Variants in ABCA13 observed in about 807,000 individuals in gnomAD.
ABCA13 encodes ATP-binding cassette sub-family A member 13.
A neutral mutation model predicts 478.7 loss-of-function variants in ABCA13; 476 were observed. That is an observed-to-expected ratio of 0.99 (90% confidence interval 0.92 to 1.07). ABCA13 has a LOEUF of 1.07. ABCA13 is among the 50% of genes least tolerant of loss of function. The probability of loss-of-function intolerance (pLI) is 0.00; values close to 1 mark genes in which losing one functional copy is unlikely to be tolerated. For synonymous variants in ABCA13, 2,252 were observed against 2,158.9 expected, an observed-to-expected ratio of 1.04 and a Z score of -1.20; for missense variants, 6,060 against 5,910.6, an observed-to-expected ratio of 1.03 and a Z score of -0.83.
chr7:48,310,016 A>G lies in ABCA13; in HGVS notation c.9391A>G (p.Thr3131Ala). Residue 3131 changes from threonine to alanine, a missense_variant, in exon 24 of 62, where the codon ACA (threonine) becomes GCA (alanine). Coordinates refer to ENST00000435803, the MANE Select transcript of ABCA13 (RefSeq NM_152701.5). Reference protein sequence around the residue: ...CDQEILHLLLTFPKGEKSWIA... With the variant: ...CDQEILHLLLAFPKGEKSWIA... ...TCAGGAAATCCTTCATCTCCTGCTG[A>G]CATTTCCCAAAGGGGAAAAATCTTG... The G allele has an allele frequency of 2.5e-6, 4 of 1,613,982 alleles. No individual in the cohort carries two copies. Among genetic ancestry groups the G allele is most frequent in the Non-Finnish European group, 3.4e-6 (4 of 1,179,842 alleles).
intron 15 of ABCA13, among the ~76,000 whole-genome samples, chr7:48,249,920 A>G (rs1792283152): frequency 6.7e-6 from 1 of 149,038 alleles, no homozygotes; most frequent in Non-Finnish European, 1.5e-5. Flanking sequence ...GCCTGGAATT[A>G]GCATCAGATC....
At chr7:48,468,120 GA>G (rs11454640) in intron 44 of ABCA13, among the ~76,000 whole-genome samples, 19 of 147,974 alleles carry the variant, frequency 1.3e-4, no homozygotes, top group South Asian at 6.4e-4. Flanking sequence ...GAACCAGTTA[GA>G]AAAAAAAAAA....
chr7:48,369,968 G>C lies in ABCA13; in HGVS notation c.10803+2060G>C, dbSNP rs1812380709. Among the ~76,000 whole-genome samples, 4 of 152,090 alleles carry C rather than the reference G, an allele frequency of 2.6e-5. No individual in the cohort carries two copies. The South Asian group carries it at 8.3e-4, about 32-fold the overall frequency. The stretch of plus-strand genomic sequence containing the variant: ...TTGATGGGAATTGCATTGAATTGCA[G>C]ATTGCTTTTGGCAGTATGGTCATTT... On this transcript the variant is annotated intron_variant, in intron 32 of 61. Coordinates refer to ENST00000435803, the MANE Select transcript of ABCA13 (RefSeq NM_152701.5).
chr7:48,647,190 T>A lies in ABCA13; in HGVS notation c.*1678T>A, dbSNP rs1377851794. On this transcript the variant is annotated 3_prime_UTR_variant, in exon 62 of 62. Transcript: ENST00000435803. ...TGAGATTTCTTTACTAAAGCAAGAT[T>A]TCATTAAATCTCTATTTCCTAAATA... The A allele has an allele frequency of 6.6e-6, 1 of 152,232 alleles. No homozygotes were observed. The highest frequency in any genetic ancestry group is 1.5e-5 in the Non-Finnish European group (1 of 68,036). The allele number at this position is 152,232 out of a possible 1,614,324, so 9.4% of individuals were successfully genotyped here.
intron 7 of ABCA13, among the ~76,000 whole-genome samples, chr7:48,231,556 C>T (rs189222246): frequency 2.0e-5 from 3 of 152,176 alleles, no homozygotes; most frequent in African/African-American, 4.8e-5. Context: ...ACTCCTGGGC[C>T]GGTGTGAGGA....
intron 24 of ABCA13, among the ~76,000 whole-genome samples, chr7:48,311,266 A>G (rs1177547481): frequency 6.6e-6 from 1 of 152,026 alleles, no homozygotes; most frequent in African/African-American, 2.4e-5. Context: ...ACACACACAC[A>G]CCCACACACA....
At chr7:48,181,943 G>T (rs1795749994) in intron 1 of ABCA13, among the ~76,000 whole-genome samples, 1 of 152,096 alleles carries the variant, frequency 6.6e-6, no homozygotes, top group Non-Finnish European at 1.5e-5. Flanking sequence ...GGTTGAGAGT[G>T]TCCTCTCACC....
chr7:48,607,270 T>C (rs1156580602), intron 58 of ABCA13, among the ~76,000 whole-genome samples: 1 of 152,212 alleles, frequency 6.6e-6, no homozygotes, highest in African/African-American at 2.4e-5. Context: ...GTACGGTCTC[T>C]CACAGATTCC....
chr7:48,450,503 T>C (rs1316478918), intron 42 of ABCA13, among the ~76,000 whole-genome samples: 2 of 152,226 alleles, frequency 1.3e-5, no homozygotes, highest in Non-Finnish European at 2.9e-5. Context: ...TCAAATGGCA[T>C]GTAGGGTTTA....
intron 42 of ABCA13, among the ~76,000 whole-genome samples, chr7:48,436,427 C>G (rs1278518649): frequency 6.6e-6 from 1 of 151,652 alleles, no homozygotes; most frequent in Non-Finnish European, 1.5e-5. Flanking sequence ...GTCAATCTAG[C>G]TAAAGGTTTA....
intron 59 of ABCA13, among the ~76,000 whole-genome samples, chr7:48,628,043 G>A (rs868358238): frequency 3.3e-5 from 5 of 152,134 alleles, no homozygotes; most frequent in South Asian, 4.2e-4. Flanking sequence ...CCTGAACTTC[G>A]GGGGGACACG....
In ABCA13 at chr7:48,249,299, C is replaced by A. The variant is rs761463611; in HGVS notation, c.1953C>A (p.Cys651Ter). The change falls in exon 15 of 62, where the codon TGC becomes TGA. Residue 651 changes from cysteine to a stop codon, truncating the protein, a stop_gained. Coordinates refer to ENST00000435803, the MANE Select transcript of ABCA13 (RefSeq NM_152701.5). LOFTEE classifies it high-confidence loss of function. ...TCAAAAAGTTTATCAGGAAGACTTG[C>A]GAAGTGGCCCAATATGTAAATATGC... ...KAFKKFIRKTCEVAQYVNMQE... is the reference protein window; with the variant it reads ...KAFKKFIRKT 1 of 1,613,218 alleles carries A rather than the reference C, an allele frequency of 6.2e-7. No homozygotes were observed. The highest frequency in any genetic ancestry group is 2.2e-5 in the East Asian group (1 of 44,816).
chr7:48,294,174 C>T (rs552548941), intron 20 of ABCA13, among the ~76,000 whole-genome samples: 14 of 151,920 alleles, frequency 9.2e-5, no homozygotes, highest in Non-Finnish European at 2.1e-4. Context: ...TTACTACAAA[C>T]AAATGAGCAT....
At chr7:48,178,772 G>A (rs1051899619) in intron 1 of ABCA13, among the ~76,000 whole-genome samples, 5 of 151,304 alleles carry the variant, frequency 3.3e-5, no homozygotes, top group Non-Finnish European at 7.4e-5. Context: ...AAAACTGACT[G>A]GATTTCAAAG....
At chr7:48,551,011 G>T in intron 55 of ABCA13, among the ~76,000 whole-genome samples, 1 of 151,118 alleles carries the variant, frequency 6.6e-6, no homozygotes, top group Non-Finnish European at 1.5e-5. Context: ...GAAAAAAATG[G>T]CATCCTACTT....
At chr7:48,500,379 G>T (rs1830640180) in intron 48 of ABCA13, among the ~76,000 whole-genome samples, 1 of 151,946 alleles carries the variant, frequency 6.6e-6, no homozygotes, top group Non-Finnish European at 1.5e-5. Context: ...AGGACCTTAG[G>T]TAGGAGAGTA....
At chr7:48,348,923 G>T (rs1476803115) in intron 29 of ABCA13, among the ~76,000 whole-genome samples, 2 of 152,164 alleles carry the variant, frequency 1.3e-5, no homozygotes, top group African/African-American at 4.8e-5. Context: ...GTTTCATATG[G>T]TTCCACTCAA....
intron 42 of ABCA13, among the ~76,000 whole-genome samples, chr7:48,433,179 A>G (rs1213539493): frequency 6.6e-6 from 1 of 151,978 alleles, no homozygotes; most frequent in African/African-American, 2.4e-5. Flanking sequence ...TACATGTAAA[A>G]TATCTTTGGA....
chr7:48,635,461 C>G (rs754674376), intron 59 of ABCA13, among the ~76,000 whole-genome samples: 42 of 152,268 alleles, frequency 2.8e-4, no homozygotes, highest in Non-Finnish European at 5.7e-4. Context: ...CTTGCTTCTC[C>G]CATGTGGAAA....
Sources: gnomAD v4.1 joint callset for allele counts (sites outside exome capture counted in the v4.1 genomes callset) on GRCh38, gnomAD v4.1.1 for gene constraint, MANE v1.5 for transcripts, NCBI Gene and HGNC (gene_info 2026-07-23, HGNC 2026-07-21) for gene names.